AFF2: variants seen among roughly 807,000 people sequenced by gnomAD.
AFF2 encodes ALF transcription elongation factor 2.
A neutral mutation model predicts 76.9 loss-of-function variants in AFF2; 14 were observed. The observed-to-expected ratio is 0.18, with a 90% CI of 0.12 to 0.28. AFF2 has a LOEUF of 0.28. Ranked by LOEUF, AFF2 falls within the 10% of genes least tolerant of loss-of-function variation. The probability of loss-of-function intolerance (pLI) is 1.00; values close to 1 mark genes in which losing one functional copy is unlikely to be tolerated. For missense variants in AFF2, 868 were observed against 1,001.1 expected, an observed-to-expected ratio of 0.87 and a Z score of 1.79; for synonymous variants, 398 against 366.7, an observed-to-expected ratio of 1.09 and a Z score of -0.98.
intron 2 of AFF2, among the ~76,000 whole-genome samples, chrX:148,654,623 A>C (rs1160007864): frequency 9.1e-6 from 1 of 110,142 alleles, no homozygotes; most frequent in Non-Finnish European, 1.9e-5. Flanking sequence ...GGCTAAGTTG[A>C]GCAAGGTCCC....
chrX:148,964,601 G>A (rs192560310), intron 13 of AFF2, among the ~76,000 whole-genome samples: 1 of 111,802 alleles, frequency 8.9e-6, no homozygotes, highest in Non-Finnish European at 1.9e-5. Context: ...AATTCATAGA[G>A]ACAGACAGTA....
At chrX:148,806,379 C>G (rs2070133545) in intron 3 of AFF2, among the ~76,000 whole-genome samples, 1 of 112,010 alleles carries the variant, frequency 8.9e-6, no homozygotes, top group Non-Finnish European at 1.9e-5. Context: ...TCCTTGGCCT[C>G]TCACTCCCAT....
At chrX:148,511,623 A>G (rs1257074766) in intron 1 of AFF2, among the ~76,000 whole-genome samples, 2 of 112,014 alleles carry the variant, frequency 1.8e-5, no homozygotes, top group African/African-American at 3.2e-5. Flanking sequence ...CATATACTTT[A>G]CAAACATCAC....
At chrX:148,731,548 T>C (rs781875222) in intron 3 of AFF2, among the ~76,000 whole-genome samples, 1 of 111,774 alleles carries the variant, frequency 8.9e-6, no homozygotes, top group African/African-American at 3.2e-5. Flanking sequence ...TAAAAACCAC[T>C]GGATACAGAG....
chrX:148,572,639 CATT>C (rs782168647), intron 1 of AFF2, among the ~76,000 whole-genome samples: 12 of 111,484 alleles, frequency 1.1e-4, no homozygotes, highest in Admixed American at 9.6e-4. Flanking sequence ...ACATTGAAAA[CATT>C]ATGCTAAGTG....
intron 1 of AFF2, among the ~76,000 whole-genome samples, chrX:148,576,825 G>A (rs1441885002): frequency 9.1e-6 from 1 of 109,714 alleles, no homozygotes; most frequent in African/African-American, 3.3e-5. Flanking sequence ...GTGAGACAGA[G>A]AAAAACTAAT....
intron 12 of AFF2, among the ~76,000 whole-genome samples, chrX:148,960,591 G>C (rs184907750): frequency 8.9e-6 from 1 of 112,495 alleles, no homozygotes; most frequent in East Asian, 2.8e-4. Context: ...CCTCTTAGGG[G>C]TCTCCTCCTG....
intron 3 of AFF2, among the ~76,000 whole-genome samples, chrX:148,709,254 C>T (rs1170654283): frequency 9.0e-6 from 1 of 111,647 alleles, no homozygotes; most frequent in Non-Finnish European, 1.9e-5. Context: ...TTTGGATTGA[C>T]TGCCTTGCCA....
At chrX:148,722,696 A>G (rs2055108443) in intron 3 of AFF2, among the ~76,000 whole-genome samples, 2 of 111,688 alleles carry the variant, frequency 1.8e-5, no homozygotes, top group African/African-American at 6.5e-5. Context: ...CAACACTAAC[A>G]TGATGAAATT....
intron 7 of AFF2, among the ~76,000 whole-genome samples, chrX:148,850,795 T>C (rs1336939583): frequency 8.9e-6 from 1 of 111,880 alleles, no homozygotes; most frequent in Non-Finnish European, 1.9e-5. Context: ...GGGGAAGATA[T>C]TTTCCTAAAG....
rs1442536199 is a variant in AFF2 at position 148,828,031 on chromosome X, A to AG, written c.1087-9616_1087-9615insG. ...CATCTTTTGAAGTGACTGTGAAAGGAAAAAAAAAACATGGCTGTAGTATTA... is the reference window on the plus strand; with the variant it reads ...CATCTTTTGAAGTGACTGTGAAAGGAGAAAAAAAAACATGGCTGTAGTATTA... On this transcript the variant is annotated intron_variant, in intron 4 of 20. Coordinates refer to ENST00000370460, the MANE Select transcript of AFF2 (RefSeq NM_002025.4). 7.0e-4 allele frequency among the ~76,000 whole-genome samples: 15 copies of AG among 21,292 alleles called. No homozygotes were observed. In the Non-Finnish European group the frequency reaches 0.011, roughly 15 times the overall value. The allele number at this position is 21,292 out of a possible 115,157, so 18.5% of individuals were successfully genotyped here. A position where few individuals can be genotyped will look rare whatever the true frequency, so the allele number is the denominator to read the frequency against.
At chrX:148,712,034 T>C (rs1044210295) in intron 3 of AFF2, among the ~76,000 whole-genome samples, 1 of 111,559 alleles carries the variant, frequency 9.0e-6, no homozygotes, top group Non-Finnish European at 1.9e-5. Context: ...TCTGTGGGCA[T>C]TGGTAAGGAG....
chrX:148,984,428 G>C (rs145924853), intron 19 of AFF2, among the ~76,000 whole-genome samples: 1,441 of 111,920 alleles, frequency 0.013, 25 homozygotes, highest in African/African-American at 0.044. Flanking sequence ...AACAGGAAGG[G>C]AAACCCCACG....
intron 9 of AFF2, among the ~76,000 whole-genome samples, chrX:148,914,383 C>T (rs1486196677): frequency 9.0e-6 from 1 of 111,409 alleles, no homozygotes; most frequent in Non-Finnish European, 1.9e-5. Context: ...TGCCAGTATA[C>T]CTAAAGCATC....
chrX:148,803,026 T>C (rs1183142363), intron 3 of AFF2, among the ~76,000 whole-genome samples: 1 of 111,628 alleles, frequency 9.0e-6, no homozygotes, highest in African/African-American at 3.3e-5. Flanking sequence ...GTACACTAAG[T>C]AGGGATTAAG....
chrX:148,821,723 A>G (rs143950035), intron 4 of AFF2, among the ~76,000 whole-genome samples: 144 of 111,040 alleles, frequency 1.3e-3, no homozygotes, highest in African/African-American at 4.4e-3. Context: ...ATTTTTATAT[A>G]TCTACACTTG....
At chrX:148,554,274 T>A (rs1454181344) in intron 1 of AFF2, among the ~76,000 whole-genome samples, 1 of 112,651 alleles carries the variant, frequency 8.9e-6, no homozygotes, top group Non-Finnish European at 1.9e-5. Flanking sequence ...CTGGGCTAGT[T>A]GCTGCGGATA....
chrX:148,792,826 A>G (rs2069915896), intron 3 of AFF2, among the ~76,000 whole-genome samples: 2 of 110,649 alleles, frequency 1.8e-5, no homozygotes, highest in Non-Finnish European at 3.8e-5. Context: ...TTAGGGTTAC[A>G]TGAATGAAAC....
intron 18 of AFF2, among the ~76,000 whole-genome samples, 157 bp from the exon 19 acceptor site, chrX:148,980,581 G>A (rs112751765): frequency 3.6e-5 from 4 of 111,495 alleles, no homozygotes; most frequent in African/African-American, 9.8e-5. Context: ...TCGAGTGTGC[G>A]TCGTGGTGTG....
Sources: gnomAD v4.1 joint callset for allele counts (sites outside exome capture counted in the v4.1 genomes callset) on GRCh38, gnomAD v4.1.1 for gene constraint, MANE v1.5 for transcripts, NCBI Gene and HGNC (gene_info 2026-07-23, HGNC 2026-07-21) for gene names.